LRRC20: variants seen among roughly 807,000 people sequenced by gnomAD.
LRRC20 encodes the protein leucine rich repeat containing 20.
A neutral mutation model predicts 14.4 loss-of-function variants in LRRC20; 11 were observed. That is an observed-to-expected ratio of 0.77 (90% CI 0.48 to 1.27). The LOEUF is 1.27. Ranked by LOEUF, LRRC20 falls within the 50% of genes most tolerant of loss-of-function variation. The probability of loss-of-function intolerance (pLI) is 0.00; values close to 1 mark genes in which losing one functional copy is unlikely to be tolerated. For synonymous variants in LRRC20, 121 were observed against 107.3 expected, an observed-to-expected ratio of 1.13 and a Z score of -0.79; for missense variants, 219 against 251.2, an observed-to-expected ratio of 0.87 and a Z score of 0.87.
intron 2 of LRRC20, among the ~76,000 whole-genome samples, chr10:70,364,319 G>A (rs1843882326): frequency 6.6e-6 from 1 of 152,242 alleles, no homozygotes; most frequent in East Asian, 1.9e-4. Flanking sequence ...CCCTTTCAGT[G>A]TAAGAGTGTG....
intron 3 of LRRC20, among the ~76,000 whole-genome samples, chr10:70,325,048 G>T (rs972439488): frequency 1.3e-5 from 2 of 152,114 alleles, no homozygotes; most frequent in Non-Finnish European, 2.9e-5. Context: ...CCCCATCCAG[G>T]TGTGGCCTTA....
chr10:70,353,844 G>A (rs10999289), intron 2 of LRRC20, among the ~76,000 whole-genome samples: 39,968 of 151,954 alleles, frequency 0.26, 5,596 homozygotes, highest in Non-Finnish European at 0.29. Flanking sequence ...AGATTGGGAG[G>A]TGGTGGGTTT....
chr10:70,350,662 G>T (rs1425180618), intron 2 of LRRC20, among the ~76,000 whole-genome samples: 5 of 152,176 alleles, frequency 3.3e-5, no homozygotes, highest in Non-Finnish European at 7.3e-5. Flanking sequence ...GTGGGAAATG[G>T]AGCAGGACTT....
rs1338496241 is a variant in LRRC20 at position 70,300,892 on chromosome 10, T to G, written c.*462A>C. The G allele has an allele frequency of 1.0e-6, 1 of 987,962 alleles. No homozygotes were observed. Among genetic ancestry groups the G allele is most frequent in the Non-Finnish European group, 1.2e-6 (1 of 831,892 alleles). The allele number at this position is 987,962 out of a possible 1,614,324, so 61.2% of individuals were successfully genotyped here. ...AAGCAATAAATAGATGGAGGTTGTC[T>G]TCTCTTCTCAGGGCAGCAACTGGCT... On this transcript the variant is annotated 3_prime_UTR_variant, in exon 5 of 5. Transcript: ENST00000446961.
chr10:70,338,425 A>C (rs1200385373), intron 3 of LRRC20, among the ~76,000 whole-genome samples: 1 of 152,126 alleles, frequency 6.6e-6, no homozygotes, highest in Non-Finnish European at 1.5e-5. Flanking sequence ...TTCTTTCTCT[A>C]AACAGGATCT....
At chr10:70,315,217 G>A (rs1260788728) in intron 4 of LRRC20, among the ~76,000 whole-genome samples, 1 of 152,180 alleles carries the variant, frequency 6.6e-6, no homozygotes, top group Non-Finnish European at 1.5e-5. Flanking sequence ...ATGAGAGCAG[G>A]GAGTGTGTTT....
At chr10:70,338,513 T>A (rs1265848008) in intron 3 of LRRC20, among the ~76,000 whole-genome samples, 1 of 152,250 alleles carries the variant, frequency 6.6e-6, no homozygotes, top group African/African-American at 2.4e-5. Context: ...GAGACCACAT[T>A]CTGTGGATCC....
At chr10:70,315,141 G>GA (rs1841808472) in intron 4 of LRRC20, among the ~76,000 whole-genome samples, 2 of 152,174 alleles carry the variant, frequency 1.3e-5, no homozygotes, top group Non-Finnish European at 2.9e-5. Context: ...TCCTTGAAAA[G>GA]TGCTTAGAGA....
At chr10:70,375,652 C>T (rs1844479910) in intron 2 of LRRC20, among the ~76,000 whole-genome samples, 1 of 152,222 alleles carries the variant, frequency 6.6e-6, no homozygotes, top group Non-Finnish European at 1.5e-5. Context: ...TGCCTATCTG[C>T]AAGATCATCC....
Position 70,351,600 on chromosome 10 carries a change from T to C in LRRC20, c.83-10898A>G, listed in dbSNP as rs1056653540. ...ATTATAAACATTTTCTTTTTAATTATTGTAAAATACACATAACAAAAATTT... is the reference window on the plus strand; with the variant it reads ...ATTATAAACATTTTCTTTTTAATTACTGTAAAATACACATAACAAAAATTT... On this transcript the variant is annotated intron_variant, in intron 2 of 4. Coordinates refer to ENST00000446961, the MANE Select transcript of LRRC20 (RefSeq NM_001278212.2). Among the ~76,000 whole-genome samples, 4 of 152,224 alleles carry C rather than the reference T, an allele frequency of 2.6e-5. No individual in the cohort carries two copies. In the South Asian group the frequency reaches 6.2e-4, roughly 24 times the overall value.
intron 2 of LRRC20, among the ~76,000 whole-genome samples, chr10:70,363,485 A>G (rs1205162383): frequency 6.6e-6 from 1 of 152,188 alleles, no homozygotes; most frequent in Non-Finnish European, 1.5e-5. Context: ...AGCCTCCAGA[A>G]TTGTGAGAAA....
chr10:70,316,632 G>C (rs1469436885), intron 4 of LRRC20, among the ~76,000 whole-genome samples: 1 of 152,226 alleles, frequency 6.6e-6, no homozygotes. Flanking sequence ...GACACAAGTG[G>C]GGCAGGGGCT....
At chr10:70,372,454 T>TTTG (rs1844313027) in intron 2 of LRRC20, among the ~76,000 whole-genome samples, 1 of 150,718 alleles carries the variant, frequency 6.6e-6, no homozygotes, top group Non-Finnish European at 1.5e-5. Context: ...CGTTTTTTTT[T>TTTG]TTTTTGAGAT....
At chr10:70,336,813 C>T (rs1341621736) in intron 3 of LRRC20, among the ~76,000 whole-genome samples, 1 of 152,160 alleles carries the variant, frequency 6.6e-6, no homozygotes, top group Non-Finnish European at 1.5e-5. Context: ...AGGTGTGTCT[C>T]CTACACCTCT....
chr10:70,327,533 A>T (rs1842374497), intron 3 of LRRC20, among the ~76,000 whole-genome samples: 1 of 151,904 alleles, frequency 6.6e-6, no homozygotes, highest in Non-Finnish European at 1.5e-5. Context: ...AGTAGCTGAG[A>T]TCGCACCACT....
intron 1 of LRRC20, among the ~76,000 whole-genome samples, chr10:70,382,120 G>A (rs1844728800): frequency 6.6e-6 from 1 of 152,242 alleles, no homozygotes; most frequent in African/African-American, 2.4e-5. Context: ...GCACGCTCTG[G>A]AGCAGGCGTC....
chr10:70,310,793 C>T (rs951573116), intron 4 of LRRC20, among the ~76,000 whole-genome samples: 1 of 152,374 alleles, frequency 6.6e-6, no homozygotes, highest in African/African-American at 2.4e-5. Flanking sequence ...TCCCTGGCCT[C>T]ACCCATTCTG....
chr10:70,361,065 G>A lies in LRRC20; in HGVS notation c.82+15387C>T, dbSNP rs796944307. Among the ~76,000 whole-genome samples the A allele has an allele frequency of 2.8e-3, 336 of 122,168 alleles. 2 individuals are homozygous for A. Among genetic ancestry groups the A allele is most frequent in the African/African-American group, 8.7e-3 (316 of 36,222 alleles). 80.1% of individuals were successfully genotyped at this position (122,168 alleles called of 152,430 possible). ...CCCATCTCTAAAAAAAAAAAAAAAA[G>A]AGAGAGAGAGAGAAAGAGAGAATGA... On this transcript the variant is annotated intron_variant, in intron 2 of 4. Transcript: ENST00000446961.
At chr10:70,353,706 A>C (rs1334081449) in intron 2 of LRRC20, among the ~76,000 whole-genome samples, 2 of 152,328 alleles carry the variant, frequency 1.3e-5, no homozygotes, top group Admixed American at 6.5e-5. Flanking sequence ...CAGAGGAGGA[A>C]TCAAGACACA....
Sources: gnomAD v4.1 joint callset for allele counts (sites outside exome capture counted in the v4.1 genomes callset) on GRCh38, gnomAD v4.1.1 for gene constraint, MANE v1.5 for transcripts, NCBI Gene and HGNC (gene_info 2026-07-23, HGNC 2026-07-21) for gene names.